The following RBM33 variants were observed in gnomAD, a reference collection of about 807,000 sequenced individuals.
RBM33 encodes RNA-binding protein 33.
RBM33 carries 28 observed loss-of-function variants against 132.6 expected under a neutral mutation model. The observed-to-expected ratio is 0.21, with a 90% CI of 0.16 to 0.29. The LOEUF (loss-of-function observed/expected upper bound fraction) is 0.29, where lower values mean the gene tolerates loss of function less well. RBM33 is among the 10% of genes least tolerant of loss of function. The pLI, the probability that RBM33 is intolerant of heterozygous loss-of-function variation, is 1.00. For missense variants in RBM33, 1,291 were observed against 1,518.5 expected (o/e 0.85, Z 2.49); for synonymous variants, 634 against 593.0 (o/e 1.07, Z -1.01).
chr7:155,678,702 A>T lies in RBM33; in HGVS notation c.248+18A>T, dbSNP rs755006590. 1.6e-6 allele frequency: 2 copies of T among 1,251,278 alleles called. No homozygotes were observed. The highest frequency in any genetic ancestry group is 2.3e-6 in the Non-Finnish European group (2 of 879,390). 77.5% of individuals were successfully genotyped at this position (1,251,278 alleles called of 1,614,324 possible). A position where few individuals can be genotyped will look rare whatever the true frequency, so the allele number is the denominator to read the frequency against. On this transcript the variant is annotated intron_variant, in intron 4 of 17. Coordinates refer to ENST00000401878, the MANE Select transcript of RBM33 (RefSeq NM_053043.3). ...AATTTCAGGTACTCAATATTACCTC[A>T]TTATAAATGTTCTTTATTTAACTAA...
intron 1 of RBM33, among the ~76,000 whole-genome samples, chr7:155,645,439 AG>A (rs1390661478): frequency 6.6e-6 from 1 of 152,246 alleles, no homozygotes; most frequent in African/African-American, 2.4e-5. Flanking sequence ...AGATTTCTTG[AG>A]AAAGTCTCAA....
intron 14 of RBM33, among the ~76,000 whole-genome samples, chr7:155,759,190 A>G (rs1195985724): frequency 2.0e-5 from 3 of 152,252 alleles, no homozygotes; most frequent in Admixed American, 6.5e-5. Context: ...GAGGAAGAGA[A>G]AGGCTTTTTG....
At position 155,776,710 on chromosome 7, in the gene RBM33, CAG is replaced by C. The variant is rs1477599351; in HGVS notation, c.*1672_*1673del. 1.3e-5 allele frequency: 2 copies of C among 152,290 alleles called. No individual in the cohort carries two copies. The highest frequency in any genetic ancestry group is 4.8e-5 in the African/African-American group (2 of 41,462). The allele number at this position is 152,290 out of a possible 1,614,324, so 9.4% of individuals were successfully genotyped here. On this transcript the variant is annotated 3_prime_UTR_variant, in exon 18 of 18. Coordinates refer to ENST00000401878, the MANE Select transcript of RBM33 (RefSeq NM_053043.3). The surrounding 1 kb of genome is among the most constrained non-coding windows in gnomAD (Gnocchi z 4.0). ...AGCTGTGCTGCCGCCACCTCTGCTC[CAG>C]AGTGTCCCAGCCAACCCTCGGAAGA...
At position 155,739,779 on chromosome 7, in the gene RBM33, C is replaced by T; in HGVS notation, c.1802C>T (p.Pro601Leu). 6.5e-7 allele frequency: 1 copy of T among 1,538,614 alleles called. No homozygotes were observed. Among genetic ancestry groups the T allele is most frequent in the Non-Finnish European group, 8.8e-7 (1 of 1,138,226 alleles). ...QPQPQQPQQQPPPQHQPPHQP... is the reference protein window; with the variant it reads ...QPQPQQPQQQLPPQHQPPHQP... ...CAGCCTCAGCAACCTCAGCAACAGC[C>T]CCCGCCACAGCACCAGCCTCCGCAC... Residue 601 changes from proline (P) to leucine (L), a missense_variant, in exon 12 of 18, where the codon CCC becomes CTC. By Grantham distance (98) the Pro-to-Leu change is moderately conservative. Transcript: ENST00000401878.
At chr7:155,708,695 CAGCTGCCCTA>C (rs1406065227) in intron 7 of RBM33, among the ~76,000 whole-genome samples, 2 of 152,190 alleles carry the variant, frequency 1.3e-5, no homozygotes, top group African/African-American at 4.8e-5. Flanking sequence ...GTAAACTAGA[CAGCTGCCCTA>C]AGACTGACAC....
Position 155,706,842 on chromosome 7 carries a change from A to G in RBM33, c.740-18A>G. On this transcript the variant is annotated intron_variant, in intron 6 of 17. Coordinates refer to ENST00000401878, the MANE Select transcript of RBM33 (RefSeq NM_053043.3). ...GGCTCTCGGAAAGTAACTAACACAT[A>G]CACATTTTTTCACATAGAGCTTTCA... is the stretch of plus-strand genomic sequence containing the variant. 5.7e-6 allele frequency: 9 copies of G among 1,579,770 alleles called. No individual in the cohort carries two copies. The highest frequency in any genetic ancestry group is 1.2e-5 in the South Asian group (1 of 85,902).
intron 3 of RBM33, among the ~76,000 whole-genome samples, chr7:155,678,279 CTTT>C (rs1269361509): frequency 1.3e-5 from 2 of 152,134 alleles, no homozygotes; most frequent in Non-Finnish European, 2.9e-5. Flanking sequence ...GGATATCTTT[CTTT>C]TTTTGTGTAT....
At chr7:155,739,217 G>C (rs996564537) in intron 11 of RBM33, 2 of 152,088 alleles carry the variant, frequency 1.3e-5, no homozygotes, top group African/African-American at 4.8e-5. Context: ...TCGTTACCTA[G>C]AAACAATTCA....
Position 155,745,535 on chromosome 7 carries a change from C to G in RBM33, c.2912C>G (p.Thr971Arg). Reference sequence around the variant, plus strand: ...GTGAAAAGGACTGTCACGCACAGGACAAACAGTGGTGGTGGAGACGGGCCC... The same window carrying G: ...GTGAAAAGGACTGTCACGCACAGGAGAAACAGTGGTGGTGGAGACGGGCCC... ...PGVKRTVTHR[T>R]NSGGGDGPHI... Residue 971 changes from threonine (T) to arginine (R), a missense_variant, in exon 14 of 18, where the codon ACA (threonine) becomes AGA (arginine). Coordinates refer to ENST00000401878, the MANE Select transcript of RBM33 (RefSeq NM_053043.3). The surrounding 1 kb of genome is among the most constrained non-coding windows in gnomAD (Gnocchi z 4.1). 5 of 1,612,138 alleles carry G rather than the reference C, an allele frequency of 3.1e-6. No homozygotes were observed. The highest frequency in any genetic ancestry group is 4.2e-6 in the Non-Finnish European group (5 of 1,179,144).
At chr7:155,681,170 T>C (rs1799328151) in intron 5 of RBM33, among the ~76,000 whole-genome samples, 2 of 152,224 alleles carry the variant, frequency 1.3e-5, no homozygotes, top group Admixed American at 1.3e-4. Context: ...GAAAACAGCT[T>C]TGTGTGGTGG....
chr7:155,708,360 G>A (rs1306090543), intron 7 of RBM33, among the ~76,000 whole-genome samples: 6 of 152,104 alleles, frequency 3.9e-5, no homozygotes, highest in Admixed American at 2.0e-4. Flanking sequence ...CCCTGTCTCC[G>A]CCGCAAACCT....
At chr7:155,768,195 T>C (rs1802287172) in intron 16 of RBM33, among the ~76,000 whole-genome samples, 1 of 152,210 alleles carries the variant, frequency 6.6e-6, no homozygotes, top group African/African-American at 2.4e-5. Context: ...TATTTTTGAG[T>C]GTGATCGAGT....
At position 155,665,207 on chromosome 7, in the gene RBM33, G is replaced by A; in HGVS notation, c.76G>A (p.Ala26Thr). The A allele has an allele frequency of 3.1e-6, 5 of 1,613,860 alleles. No individual in the cohort carries two copies. The highest frequency in any genetic ancestry group is 4.2e-6 in the Non-Finnish European group (5 of 1,179,808). Reference sequence around the variant, plus strand: ...CTTTGACCAGTTTGATAAGCCTGGCGCGGAACGGTCGTGGAGAAGAAGAGC... The same window carrying A: ...CTTTGACCAGTTTGATAAGCCTGGCACGGAACGGTCGTGGAGAAGAAGAGC... ...DDFDQFDKPG[A>T]ERSWRRRAAD... Residue 26 changes from alanine (A) to threonine (T), a missense_variant, in exon 2 of 18, where the codon GCG becomes ACG. Physicochemically the swap from Ala to Thr is moderately conservative, Grantham distance 58 (BLOSUM62 0). Coordinates refer to ENST00000401878, the MANE Select transcript of RBM33 (RefSeq NM_053043.3).
chr7:155,699,559 G>T (rs1799899058), intron 5 of RBM33, among the ~76,000 whole-genome samples: 1 of 152,182 alleles, frequency 6.6e-6, no homozygotes, highest in South Asian at 2.1e-4. Flanking sequence ...TGAGATTTTG[G>T]TACTTTAAAA....
At chr7:155,749,341 C>T (rs1266850394) in intron 14 of RBM33, among the ~76,000 whole-genome samples, 2 of 152,144 alleles carry the variant, frequency 1.3e-5, no homozygotes, top group Non-Finnish European at 2.9e-5. Context: ...TCACAACATC[C>T]TTCTGAGGCG....
At chr7:155,690,962 C>T (rs894573963) in intron 5 of RBM33, among the ~76,000 whole-genome samples, 2 of 152,132 alleles carry the variant, frequency 1.3e-5, no homozygotes, top group African/African-American at 2.4e-5. Context: ...TGGCTCTTCT[C>T]GAGGTGTATC....
intron 16 of RBM33, among the ~76,000 whole-genome samples, chr7:155,767,211 C>T (rs1802250600): frequency 6.6e-6 from 1 of 152,216 alleles, no homozygotes; most frequent in Non-Finnish European, 1.5e-5. Context: ...AGTTCCAGGT[C>T]CACTGGAAAC....
chr7:155,653,772 C>T (rs73736011), intron 1 of RBM33, among the ~76,000 whole-genome samples: 4,435 of 152,200 alleles, frequency 0.029, 214 homozygotes, highest in African/African-American at 0.1. Context: ...ACAGTAAGTA[C>T]GGTGTTTTCC....
At chr7:155,753,989 GTTT>G (rs1237594973) in intron 14 of RBM33, among the ~76,000 whole-genome samples, 1 of 152,186 alleles carries the variant, frequency 6.6e-6, no homozygotes, top group African/African-American at 2.4e-5. Context: ...ATGAATACTT[GTTT>G]TTAAGAGCTT....
Sources: gnomAD v4.1 joint callset for allele counts (sites outside exome capture counted in the v4.1 genomes callset) on GRCh38, gnomAD v4.1.1 for gene constraint, Gnocchi (gnomAD v3.1) non-coding constraint, MANE v1.5 for transcripts, NCBI Gene and HGNC (gene_info 2026-07-23, HGNC 2026-07-21) for gene names.